MBNL1: variants seen among roughly 807,000 people sequenced by gnomAD.
MBNL1 encodes the protein muscleblind-like protein 1.
In MBNL1, 8 loss-of-function variants were observed where a neutral mutation model predicts 42.2. The observed-to-expected ratio is 0.19, with a 90% confidence interval of 0.11 to 0.34. The LOEUF (loss-of-function observed/expected upper bound fraction) is 0.34. Ranked by LOEUF, MBNL1 falls within the 10% of genes least tolerant of loss-of-function variation. The pLI is 1.00. For synonymous variants in MBNL1, 169 were observed against 173.9 expected (o/e 0.97, Z 0.22); for missense variants, 309 against 495.3 (o/e 0.62, Z 3.57).
rs566891147 is a variant in MBNL1 at position 152,447,260 on chromosome 3, A to C, written c.808-360A>C. Among the ~76,000 whole-genome samples, 4 of 152,316 alleles carry C rather than the reference A, an allele frequency of 2.6e-5. 1 individual carries two copies. In the South Asian group the frequency reaches 8.3e-4, roughly 32 times the overall value. Reference sequence around the variant, plus strand: ...ACAATTAACTATTAACATTGCTTATACTTGTCAATCCTCATGGAGCTCGCA... The same window carrying C: ...ACAATTAACTATTAACATTGCTTATCCTTGTCAATCCTCATGGAGCTCGCA... On this transcript the variant is annotated intron_variant, in intron 5 of 9. Transcript: ENST00000324210.
chr3:152,463,464 G>T lies in MBNL1; in HGVS notation c.*1098G>T, dbSNP rs1387753643. 6.6e-6 allele frequency: 1 copy of T among 152,402 alleles called. No homozygotes were observed. Among genetic ancestry groups the T allele is most frequent in the Admixed American group, 6.6e-5 (1 of 15,250 alleles). 9.4% of individuals were successfully genotyped at this position (152,402 alleles called of 1,614,324 possible). A position where few individuals can be genotyped will look rare whatever the true frequency, so the allele number is the denominator to read the frequency against. On this transcript the variant is annotated 3_prime_UTR_variant, in exon 10 of 10. Transcript: ENST00000324210. Reference sequence around the variant, plus strand: ...GCTTTGCAAAAATGGTTTCACGTTTGCTTAAATGCTTCATCACAGTCACAT... The same window carrying T: ...GCTTTGCAAAAATGGTTTCACGTTTTCTTAAATGCTTCATCACAGTCACAT...
At chr3:152,456,635 C>A (rs1377309010) in intron 8 of MBNL1, among the ~76,000 whole-genome samples, 1 of 152,200 alleles carries the variant, frequency 6.6e-6, no homozygotes, top group African/African-American at 2.4e-5. Context: ...GATATTTACA[C>A]AAGCAATTCT....
intron 1 of MBNL1, among the ~76,000 whole-genome samples, chr3:152,290,246 A>C (rs1334978110): frequency 6.6e-6 from 1 of 152,102 alleles, no homozygotes; most frequent in Non-Finnish European, 1.5e-5. Flanking sequence ...AATTCTGAAC[A>C]GTGTGGCAAC....
chr3:152,456,416 C>A, intron 8 of MBNL1, 55 bp downstream of exon 8: 1 of 1,397,274 alleles, frequency 7.2e-7, no homozygotes, highest in Non-Finnish European at 1.0e-6. Context: ...GGGCTCAATC[C>A]AACAGCCCTT....
At chr3:152,434,020 C>G (rs1207758827) in intron 4 of MBNL1, among the ~76,000 whole-genome samples, 1 of 152,190 alleles carries the variant, frequency 6.6e-6, no homozygotes, top group Non-Finnish European at 1.5e-5. Flanking sequence ...ACCTTTTCCT[C>G]TTTTCCCTGG....
At chr3:152,366,753 TTTG>T (rs1274560540) in intron 2 of MBNL1, among the ~76,000 whole-genome samples, 1 of 152,160 alleles carries the variant, frequency 6.6e-6, no homozygotes, top group African/African-American at 2.4e-5. Flanking sequence ...GTCATTATGC[TTTG>T]TTGTTTTTGT....
intron 4 of MBNL1, among the ~76,000 whole-genome samples, chr3:152,444,576 G>T (rs74534372): frequency 0.033 from 5,063 of 152,204 alleles, 284 homozygotes; most frequent in African/African-American, 0.12. Flanking sequence ...ACGCTTTACT[G>T]ATCTAAATAT....
chr3:152,268,832 T>A, upstream of MBNL1: 1 of 439,698 alleles, frequency 2.3e-6, no homozygotes, highest in Non-Finnish European at 4.5e-6. Flanking sequence ...GAGTCCGCCC[T>A]GGGCTTCCTG....
chr3:152,327,080 A>T (rs2080838972), intron 2 of MBNL1, among the ~76,000 whole-genome samples: 1 of 152,050 alleles, frequency 6.6e-6, no homozygotes, highest in Non-Finnish European at 1.5e-5. Flanking sequence ...AAGTGCTGGG[A>T]TTACAGGCGT....
chr3:152,294,574 G>A (rs1384105465), intron 1 of MBNL1, among the ~76,000 whole-genome samples: 1 of 152,032 alleles, frequency 6.6e-6, no homozygotes, highest in Non-Finnish European at 1.5e-5. Context: ...GTGAGCCACC[G>A]TGCCCGGCCT....
At chr3:152,283,669 C>T (rs2049874793) in intron 1 of MBNL1, among the ~76,000 whole-genome samples, 4 of 152,190 alleles carry the variant, frequency 2.6e-5, no homozygotes. Context: ...AATTCTTTAG[C>T]CTGCCTTTAA....
At chr3:152,376,447 A>G (rs2096904351) in intron 2 of MBNL1, among the ~76,000 whole-genome samples, 1 of 152,224 alleles carries the variant, frequency 6.6e-6, no homozygotes, top group Non-Finnish European at 1.5e-5. Flanking sequence ...TCTCTTAAAA[A>G]AGAAGCTCTT....
At chr3:152,291,058 A>G (rs2055655529) in intron 1 of MBNL1, among the ~76,000 whole-genome samples, 3 of 152,188 alleles carry the variant, frequency 2.0e-5, no homozygotes, top group South Asian at 4.1e-4. Flanking sequence ...CAGATCAGAT[A>G]TGTCTACCTG....
At chr3:152,443,368 G>T (rs2099169710) in intron 4 of MBNL1, among the ~76,000 whole-genome samples, 1 of 152,060 alleles carries the variant, frequency 6.6e-6, no homozygotes, top group South Asian at 2.1e-4. Context: ...AATAGCAGCT[G>T]AGAGAGATCA....
At chr3:152,321,972 A>T (rs952696050) in intron 2 of MBNL1, among the ~76,000 whole-genome samples, 2 of 152,048 alleles carry the variant, frequency 1.3e-5, no homozygotes, top group South Asian at 4.1e-4. Context: ...TCTATTCCAA[A>T]CACAGAGACT....
intron 2 of MBNL1, among the ~76,000 whole-genome samples, chr3:152,405,810 A>G (rs1203444350): frequency 1.3e-5 from 2 of 152,182 alleles, no homozygotes; most frequent in Non-Finnish European, 2.9e-5. Flanking sequence ...TGCTCTACAC[A>G]TAGAGCGCTA....
intron 2 of MBNL1, among the ~76,000 whole-genome samples, chr3:152,257,140 C>T (rs766420235): frequency 2.0e-5 from 3 of 151,990 alleles, no homozygotes; most frequent in East Asian, 3.8e-4. Context: ...AGGTAGTGTG[C>T]GGTTTTTAAG....
intron 2 of MBNL1, among the ~76,000 whole-genome samples, chr3:152,399,997 T>C (rs767314664): frequency 5.9e-5 from 9 of 152,322 alleles, no homozygotes; most frequent in East Asian, 1.9e-4. Flanking sequence ...AACCCTGACA[T>C]TACTAGTACT....
chr3:152,361,093 G>T (rs1055328447), intron 2 of MBNL1, among the ~76,000 whole-genome samples: 2 of 152,034 alleles, frequency 1.3e-5, no homozygotes, highest in Non-Finnish European at 2.9e-5. Flanking sequence ...CATTGTAAGT[G>T]TAGAAAAAAA....
Sources: allele counts gnomAD v4.1 joint callset (sites outside exome capture counted in the v4.1 genomes callset), GRCh38; gene constraint gnomAD v4.1.1; transcripts MANE v1.5; gene names NCBI Gene and HGNC (gene_info 2026-07-23, HGNC 2026-07-21).